PGS1: variants seen among roughly 807,000 people sequenced by gnomAD.
The protein encoded by PGS1 is phosphatidylglycerophosphate synthase 1, also known as CDP-diacylglycerol--glycerol-3-phosphate 3-phosphatidyltransferase, mitochondrial.
In PGS1, 44 loss-of-function variants were observed where a neutral mutation model predicts 58.3. The ratio of observed to expected loss-of-function variants is 0.75; its 90% confidence interval spans 0.59 to 0.97. PGS1 has a LOEUF of 0.97. Among genes scored for constraint, PGS1 ranks in the 50% least tolerant of loss-of-function variants. PGS1 has a pLI of 0.00. For missense variants in PGS1, 684 were observed against 731.1 expected (o/e 0.94, Z 0.74); for synonymous variants, 330 against 311.0 (o/e 1.06, Z -0.64).
In PGS1 at chr17:78,400,221, C is replaced by T. The variant is rs2083547938; in HGVS notation, c.702-456C>T. Among the ~76,000 whole-genome samples, 1 of 152,102 alleles carries T rather than the reference C, an allele frequency of 6.6e-6. No homozygotes were observed. Among genetic ancestry groups the T allele is most frequent in the Non-Finnish European group, 1.5e-5 (1 of 68,022 alleles). ...ACAACATGGTGAAGCCCCGTCTCTACTAAAAATACAAAAATTAGCTGGGTG... is the reference window on the plus strand; with the variant it reads ...ACAACATGGTGAAGCCCCGTCTCTATTAAAAATACAAAAATTAGCTGGGTG... On this transcript the variant is annotated intron_variant, in intron 5 of 9. Transcript: ENST00000262764. The surrounding 1 kb of genome is among the most constrained non-coding windows in gnomAD (Gnocchi z 4.4).
chr17:78,387,704 G>A, intron 1 of PGS1, among the ~76,000 whole-genome samples: 1 of 148,944 alleles, frequency 6.7e-6, no homozygotes, highest in Non-Finnish European at 1.5e-5. Context: ...GGTTTAAGCA[G>A]TCTTCCTGCC....
Position 78,398,252 on chromosome 17 carries a change from G to C in PGS1, c.412G>C (p.Val138Leu). Residue 138 changes from valine to leucine, a missense_variant and splice_region_variant, in exon 4 of 10, where the codon GTG (valine) becomes CTG (leucine). By Grantham distance (32) the Val-to-Leu change is conservative (BLOSUM62 1). Coordinates refer to ENST00000262764, the MANE Select transcript of PGS1 (RefSeq NM_024419.5). ...TCTTTTCTGTGTTCTTTCTTGGTAG[G>C]TGGACTGCCTGGAAAGTACTCTAGA... ...LGTGPLEQEL[V>L]DCLESTLEKS... 1 of 1,606,354 alleles carries C rather than the reference G, an allele frequency of 6.2e-7. No homozygotes were observed. The highest frequency in any genetic ancestry group is 8.5e-7 in the Non-Finnish European group (1 of 1,172,896).
At chr17:78,379,012 C>G (rs546782329) in intron 1 of PGS1, among the ~76,000 whole-genome samples, 3 of 152,260 alleles carry the variant, frequency 2.0e-5, no homozygotes, top group African/African-American at 7.2e-5. Context: ...GGCTCGTGCT[C>G]CATTATCGGC....
chr17:78,381,935 G>T (rs145049740), intron 1 of PGS1, among the ~76,000 whole-genome samples: 2 of 152,294 alleles, frequency 1.3e-5, no homozygotes, highest in Non-Finnish European at 2.9e-5. Context: ...GCTGTGCTAG[G>T]TACTCAGGAA....
intron 9 of PGS1, chr17:78,423,672 CAGGCACAGAATGGAT>C (rs2086182499): frequency 1.9e-6 from 1 of 518,758 alleles, no homozygotes; most frequent in Non-Finnish European, 3.4e-6. Context: ...CAGTGGCCAT[CAGGCACAGAATGGAT>C]GGGCACAGCT....
intron 9 of PGS1, chr17:78,421,196 C>T (rs1426917002): frequency 5.9e-5 from 9 of 152,234 alleles, no homozygotes; most frequent in Admixed American, 3.9e-4. Flanking sequence ...CCATATCCCC[C>T]AGTGTCTCCA....
intron 1 of PGS1, chr17:78,382,878 C>G (rs1227160880): frequency 6.6e-6 from 1 of 152,134 alleles, no homozygotes; most frequent in Admixed American, 6.6e-5. Flanking sequence ...ATCTCCTGAC[C>G]TCGTGATCCC....
At chr17:78,423,760 C>T (rs542698237) in intron 9 of PGS1, 115 of 1,075,944 alleles carry the variant, frequency 1.1e-4, no homozygotes, top group Non-Finnish European at 1.3e-4. Context: ...CCTCTGGTTC[C>T]GATGTGCTTG....
Position 78,392,620 on chromosome 17 carries a change from C to T in PGS1, c.288C>T (p.His96=), listed in dbSNP as rs781779258. 8.7e-6 allele frequency: 14 copies of T among 1,614,010 alleles called. No individual in the cohort carries two copies. Among genetic ancestry groups the T allele is most frequent in the East Asian group, 2.2e-5 (1 of 44,894 alleles). The part of the protein sequence containing the change: ...LVPEFGVSSS[H]VRVLSSPAEF... ...CAGAATTTGGAGTCTCCAGTTCTCA[C>T]GTTAGGGTGCTTTCTTCCCCGGCAG... The change falls in exon 2 of 10, where the codon CAC becomes CAT. Residue 96 remains histidine (H), a synonymous_variant. Transcript: ENST00000262764.
intron 9 of PGS1, chr17:78,420,134 C>G: frequency 9.7e-7 from 1 of 1,027,520 alleles, no homozygotes; most frequent in Non-Finnish European, 1.2e-6. Context: ...GGCTGTAGTG[C>G]ACAGGGTGGG....
chr17:78,417,511 G>C (rs1298218575), intron 8 of PGS1, among the ~76,000 whole-genome samples: 1 of 152,194 alleles, frequency 6.6e-6, no homozygotes, highest in East Asian at 1.9e-4. Flanking sequence ...CCCAGCTCTT[G>C]ATGGGAAAAG....
chr17:78,396,552 T>TGAG (rs1283547865), intron 3 of PGS1, among the ~76,000 whole-genome samples, 167 bp downstream of exon 3: 1 of 152,066 alleles, frequency 6.6e-6, no homozygotes, highest in African/African-American at 2.4e-5. Context: ...GAGGGCCTGG[T>TGAG]GAGGAGAGCA....
rs1337178324 is a variant in PGS1, at chr17:78,419,573, G to A, written c.1579G>A (p.Gly527Ser). The A allele has an allele frequency of 6.2e-7, 1 of 1,613,972 alleles. No homozygotes were observed. Among genetic ancestry groups the A allele is most frequent in the East Asian group, 2.2e-5 (1 of 44,880 alleles). ...GCAAGAGCAGCTCTACCTGAGGTCAGGTGTGGTGTCCTCTGCCACCTTCGA... is the reference window on the plus strand; with the variant it reads ...GCAAGAGCAGCTCTACCTGAGGTCAAGTGTGGTGTCCTCTGCCACCTTCGA... ...QEQEQLYLRSGVVSSATFEQP... is the reference protein window; with the variant it reads ...QEQEQLYLRSSVVSSATFEQP... The change falls in exon 9 of 10, where the codon GGT (glycine) becomes AGT (serine). Residue 527 changes from glycine to serine, a missense_variant. Coordinates refer to ENST00000262764, the MANE Select transcript of PGS1 (RefSeq NM_024419.5).
At chr17:78,389,573 G>A (rs1264141030) in intron 1 of PGS1, among the ~76,000 whole-genome samples, 1 of 147,838 alleles carries the variant, frequency 6.8e-6, no homozygotes, top group Admixed American at 6.7e-5. Flanking sequence ...CACCTGCCTC[G>A]GCCTCCCAAA....
intron 7 of PGS1, among the ~76,000 whole-genome samples, chr17:78,406,710 G>A (rs1233162599): frequency 6.6e-6 from 1 of 152,236 alleles, no homozygotes; most frequent in Non-Finnish European, 1.5e-5. Flanking sequence ...GCAGTACCCA[G>A]GGATGGGGTA....
Position 78,424,192 on chromosome 17 carries a change from A to C in PGS1, c.*142A>C. ...ATGGCTGAGGGTCAGGTGTGCTGCC[A>C]GTAAGTGAGGGAGGGGCTGGCAGGA... On this transcript the variant is annotated 3_prime_UTR_variant, in exon 10 of 10. Coordinates refer to ENST00000262764, the MANE Select transcript of PGS1 (RefSeq NM_024419.5). 1 of 1,576,160 alleles carries C rather than the reference A, an allele frequency of 6.3e-7. No homozygotes were observed. The highest frequency in any genetic ancestry group is 1.2e-5 in the South Asian group (1 of 86,938).
intron 7 of PGS1, among the ~76,000 whole-genome samples, chr17:78,407,259 A>G (rs2084234271): frequency 1.3e-5 from 2 of 152,182 alleles, no homozygotes; most frequent in African/African-American, 4.8e-5. Context: ...GCTTCACCCT[A>G]AAGCCAGGAA....
At chr17:78,392,935 T>G (rs1373415520) in intron 2 of PGS1, among the ~76,000 whole-genome samples, 1 of 152,212 alleles carries the variant, frequency 6.6e-6, no homozygotes, top group Non-Finnish European at 1.5e-5. Flanking sequence ...CTAATTTTGT[T>G]ATTTTTGAGA....
intron 1 of PGS1, among the ~76,000 whole-genome samples, chr17:78,387,757 G>A (rs1464649293): frequency 6.6e-6 from 1 of 151,966 alleles, no homozygotes; most frequent in Non-Finnish European, 1.5e-5. Flanking sequence ...ACGCCACCAT[G>A]CCTGGCTAAC....
Sources: allele counts gnomAD v4.1 joint callset (sites outside exome capture counted in the v4.1 genomes callset), GRCh38; gene constraint gnomAD v4.1.1; non-coding constraint Gnocchi (gnomAD v3.1); transcripts MANE v1.5; gene names NCBI Gene and HGNC (gene_info 2026-07-23, HGNC 2026-07-21).